The following KAT2B variants were observed in gnomAD, a reference collection of about 807,000 sequenced individuals.
KAT2B encodes lysine acetyltransferase 2B.
A neutral mutation model predicts 105.9 loss-of-function variants in KAT2B; 36 were observed. The ratio of observed to expected loss-of-function variants is 0.34; its 90% CI spans 0.26 to 0.45. The LOEUF is 0.45. KAT2B is among the 20% of genes least tolerant of loss of function. The probability of loss-of-function intolerance (pLI) is 1.00; values close to 1 mark genes in which losing one functional copy is unlikely to be tolerated. For missense variants in KAT2B, 820 were observed against 1,021.6 expected (o/e 0.80, Z 2.69); for synonymous variants, 397 against 377.9 (o/e 1.05, Z -0.59).
chr3:20,052,213 C>A (rs1697927286), intron 1 of KAT2B, among the ~76,000 whole-genome samples: 1 of 152,182 alleles, frequency 6.6e-6, no homozygotes, highest in Non-Finnish European at 1.5e-5. Flanking sequence ...AGCAGCACCC[C>A]ATCTATCACT....
At chr3:20,079,222 T>G (rs1429154824) in intron 2 of KAT2B, among the ~76,000 whole-genome samples, 6 of 88,334 alleles carry the variant, frequency 6.8e-5, no homozygotes, top group African/African-American at 2.2e-4. Flanking sequence ...TTTTTTTTTT[T>G]GCCACAGAGT....
intron 2 of KAT2B, among the ~76,000 whole-genome samples, chr3:20,084,763 A>G (rs1029161546): frequency 2.6e-5 from 4 of 152,326 alleles, no homozygotes; most frequent in East Asian, 1.9e-4. Flanking sequence ...CAGAATCCCA[A>G]CAAGGGAATG....
chr3:20,131,821 C>T (rs1699516047), intron 11 of KAT2B, among the ~76,000 whole-genome samples: 1 of 152,152 alleles, frequency 6.6e-6, no homozygotes, highest in African/African-American at 2.4e-5. Flanking sequence ...TCCTTGGCCC[C>T]CCAAAGTGCT....
At position 20,100,030 on chromosome 3, in the gene KAT2B, A is replaced by G. The variant is rs13323791; in HGVS notation, c.669+76A>G. ...CTTTTAATCCTCCTTTTATATCTCT[A>G]TCTACGGCTTCCCTCCTCCATACCC... On this transcript the variant is annotated intron_variant, in intron 4 of 17. Transcript: ENST00000263754. The G allele has an allele frequency of 0.18, 137,949 of 774,286 alleles. 17,179 individuals carry two copies. Among genetic ancestry groups the G allele is most frequent in the East Asian group, 0.44 (17,335 of 39,112 alleles). The allele number at this position is 774,286 out of a possible 1,614,324, so 48.0% of individuals were successfully genotyped here.
rs768622514 is a variant in KAT2B at position 20,040,794 on chromosome 3, G to A, written c.303+14G>A. The A allele has an allele frequency of 1.6e-5, 25 of 1,580,510 alleles. No homozygotes were observed. In the South Asian group the frequency reaches 2.4e-4, roughly 15 times the overall value. On this transcript the variant is annotated intron_variant, in intron 1 of 17. Transcript: ENST00000263754. ...TCCGCCTGCAAGGTACGCGCTCGCCGCTCTCGGACCGCGGATGGGTGCTAG... is the reference window on the plus strand; with the variant it reads ...TCCGCCTGCAAGGTACGCGCTCGCCACTCTCGGACCGCGGATGGGTGCTAG...
At chr3:20,099,777 C>A (rs1209517883) in intron 3 of KAT2B, 85 bp from the exon 4 acceptor site, 2 of 672,356 alleles carry the variant, frequency 3.0e-6, no homozygotes, top group Non-Finnish European at 5.3e-6. Flanking sequence ...GAGAGAGAGA[C>A]AGACAGAAAC....
chr3:20,064,729 G>A (rs555437706), intron 1 of KAT2B, among the ~76,000 whole-genome samples: 1 of 152,318 alleles, frequency 6.6e-6, no homozygotes, highest in Non-Finnish European at 1.5e-5. Flanking sequence ...CATCGAGTGA[G>A]ATAAGAGTAC....
rs115260010 is a variant in KAT2B at position 20,110,757 on chromosome 3, C to T, written c.852-839C>T. ...CTTTTACTCTCCACTGTATGTTGGCCGAATGCACTTTCTAAATTAGATGAC... is the reference window on the plus strand; with the variant it reads ...CTTTTACTCTCCACTGTATGTTGGCTGAATGCACTTTCTAAATTAGATGAC... On this transcript the variant is annotated intron_variant, in intron 5 of 17. Transcript: ENST00000263754. Among the ~76,000 whole-genome samples the T allele has an allele frequency of 1.2e-3, 177 of 151,866 alleles. 1 individual carries two copies. Among genetic ancestry groups the T allele is most frequent in the African/African-American group, 3.8e-3 (158 of 41,406 alleles).
intron 13 of KAT2B, among the ~76,000 whole-genome samples, chr3:20,143,247 A>G (rs1408551916): frequency 2.0e-5 from 3 of 152,176 alleles, no homozygotes; most frequent in Non-Finnish European, 2.9e-5. Flanking sequence ...GGAGTTGAAG[A>G]TATTTTCTAG....
At chr3:20,076,331 AT>A in intron 2 of KAT2B, among the ~76,000 whole-genome samples, 1 of 152,214 alleles carries the variant, frequency 6.6e-6, no homozygotes, top group Non-Finnish European at 1.5e-5. Context: ...TTTAAAAAAT[AT>A]TTCCCCCTAC....
At chr3:20,111,494 T>C in intron 5 of KAT2B, 102 bp from the exon 6 acceptor site, 1 of 977,544 alleles carries the variant, frequency 1.0e-6, no homozygotes, top group Non-Finnish European at 1.5e-6. Context: ...AGGCCTAGTT[T>C]TTTTCTGCTA....
intron 11 of KAT2B, 58 bp downstream of exon 11, chr3:20,127,607 C>G (rs1699429080): frequency 6.6e-7 from 1 of 1,519,700 alleles, no homozygotes; most frequent in African/African-American, 1.4e-5. Context: ...CTCACTAAGG[C>G]CTGCAGAGCT....
intron 11 of KAT2B, among the ~76,000 whole-genome samples, chr3:20,131,010 C>CT (rs148208028): frequency 0.021 from 1,591 of 74,676 alleles, 41 homozygotes; most frequent in Non-Finnish European, 0.028. Context: ...GTTTCCTGGC[C>CT]TTTTTTTTTT....
chr3:20,147,865 G>T (rs987165299), intron 14 of KAT2B, 98 bp from the exon 15 acceptor site: 3 of 1,113,192 alleles, frequency 2.7e-6, no homozygotes, highest in East Asian at 2.6e-5. Context: ...GACTTTTATT[G>T]TCATGCCTAT....
At chr3:20,121,604 A>T (rs1699308345) in intron 8 of KAT2B, among the ~76,000 whole-genome samples, 2 of 152,156 alleles carry the variant, frequency 1.3e-5, no homozygotes, top group Admixed American at 6.5e-5. Context: ...AGCATTGTAA[A>T]AGATAAAGTG....
intron 1 of KAT2B, among the ~76,000 whole-genome samples, chr3:20,058,453 CAAAAA>C (rs35239760): frequency 2.7e-5 from 2 of 74,544 alleles, no homozygotes; most frequent in East Asian, 4.1e-4. Context: ...GACTCTGTCT[CAAAAA>C]AAAAAAAAAA....
intron 5 of KAT2B, 84 bp downstream of exon 5, chr3:20,101,552 C>A (rs1235006108): frequency 2.9e-6 from 3 of 1,048,290 alleles, no homozygotes; most frequent in Non-Finnish European, 4.3e-6. Flanking sequence ...AAGTATAGGG[C>A]TGCCTAGTTA....
In KAT2B at chr3:20,148,276, C is replaced by A; in HGVS notation, c.2190C>A (p.Ser730Arg). The change falls in exon 16 of 18, where the codon AGC becomes AGA. Residue 730 changes from serine (S) to arginine (R), a missense_variant. Physicochemically the swap from Ser to Arg is moderately radical, Grantham distance 110. This residue lies in a region of KAT2B where 227 missense variants were observed against 292.9 expected (regional missense o/e 0.77). Coordinates refer to ENST00000263754, the MANE Select transcript of KAT2B (RefSeq NM_003884.5). ...CCAGAGACCCTGACCAGCTTTACAG[C>A]ACGCTCAAGAGCATCCTCCAGCAGG... ...KEPRDPDQLY[S>R]TLKSILQQVK... 1 of 1,614,070 alleles carries A rather than the reference C, an allele frequency of 6.2e-7. No individual in the cohort carries two copies. The highest frequency in any genetic ancestry group is 8.5e-7 in the Non-Finnish European group (1 of 1,179,920).
intron 7 of KAT2B, among the ~76,000 whole-genome samples, chr3:20,118,457 C>G (rs1699247299): frequency 6.7e-6 from 1 of 149,410 alleles, no homozygotes; most frequent in East Asian, 2.0e-4. Context: ...TGGCTGACAC[C>G]TGTAATCCCA....
Sources: allele counts gnomAD v4.1 joint callset (sites outside exome capture counted in the v4.1 genomes callset), GRCh38; gene constraint gnomAD v4.1.1; regional missense constraint gnomAD v4.1.1; transcripts MANE v1.5; gene names NCBI Gene and HGNC (gene_info 2026-07-23, HGNC 2026-07-21).